CAMK1D: variants seen among roughly 807,000 people sequenced by gnomAD.
CAMK1D encodes calcium/calmodulin dependent protein kinase ID.
In CAMK1D, 9 loss-of-function variants were observed where a neutral mutation model predicts 47.7. That is an observed-to-expected ratio of 0.19 (90% CI 0.11 to 0.33). The LOEUF (loss-of-function observed/expected upper bound fraction) is 0.33. CAMK1D is among the 10% of genes least tolerant of loss of function. The pLI is 1.00. For synonymous variants in CAMK1D, 184 were observed against 184.9 expected (o/e 0.99, Z 0.04); for missense variants, 291 against 488.7 (o/e 0.60, Z 3.81).
intron 1 of CAMK1D, among the ~76,000 whole-genome samples, chr10:12,376,593 C>T (rs1838188780): frequency 6.6e-6 from 1 of 152,132 alleles, no homozygotes. Flanking sequence ...TGTCATGCTT[C>T]TCCTGAGGTC....
At chr10:12,750,421 C>G (rs1408376514) in intron 3 of CAMK1D, among the ~76,000 whole-genome samples, 1 of 152,098 alleles carries the variant, frequency 6.6e-6, no homozygotes, top group African/African-American at 2.4e-5. Context: ...TAGATGTAAC[C>G]TTCGATTGCA....
At chr10:12,387,477 C>G (rs1214445956) in intron 1 of CAMK1D, among the ~76,000 whole-genome samples, 1 of 88,002 alleles carries the variant, frequency 1.1e-5, no homozygotes, top group African/African-American at 3.6e-5. Flanking sequence ...ACATTGTAAA[C>G]TCTTAATGAA....
At chr10:12,492,601 C>G (rs1281826925) in intron 1 of CAMK1D, among the ~76,000 whole-genome samples, 1 of 152,106 alleles carries the variant, frequency 6.6e-6, no homozygotes, top group Non-Finnish European at 1.5e-5. Flanking sequence ...TAAGACCAGC[C>G]TGGGCAACAC....
At chr10:12,595,704 C>T (rs1838129446) in intron 2 of CAMK1D, among the ~76,000 whole-genome samples, 1 of 152,182 alleles carries the variant, frequency 6.6e-6, no homozygotes, top group Non-Finnish European at 1.5e-5. Context: ...TTTCTGGTCC[C>T]ACCCAGAGAC....
At chr10:12,437,775 G>T (rs563495183) in intron 1 of CAMK1D, among the ~76,000 whole-genome samples, 2 of 152,296 alleles carry the variant, frequency 1.3e-5, no homozygotes, top group African/African-American at 4.8e-5. Flanking sequence ...GTATCATACA[G>T]AGTAGTTTCA....
At chr10:12,780,950 A>G (rs1270841826) in intron 5 of CAMK1D, among the ~76,000 whole-genome samples, 1 of 152,092 alleles carries the variant, frequency 6.6e-6, no homozygotes, top group Non-Finnish European at 1.5e-5. Context: ...AAGTGGGGAG[A>G]CTTGTAGGGC....
rs80092276 is a variant in CAMK1D at position 12,705,661 on chromosome 10, A to C, written c.299+38851A>C. 4.3e-3 allele frequency among the ~76,000 whole-genome samples: 659 copies of C among 152,288 alleles called. 2 individuals are homozygous for C. The highest frequency in any genetic ancestry group is 7.3e-3 in the Non-Finnish European group (500 of 68,036). On this transcript the variant is annotated intron_variant, in intron 3 of 10. Coordinates refer to ENST00000619168, the MANE Select transcript of CAMK1D (RefSeq NM_153498.4). ...GACAATCCTACTCAAGGTAAATGCA[A>C]CCAGAAACAAAGGACATTGCCCCTA... is the stretch of plus-strand genomic sequence containing the variant.
At chr10:12,571,720 C>T (rs981631451) in intron 2 of CAMK1D, among the ~76,000 whole-genome samples, 3 of 152,032 alleles carry the variant, frequency 2.0e-5, no homozygotes, top group South Asian at 2.1e-4. Flanking sequence ...GTCTTTCTTT[C>T]GTAGCAAACT....
chr10:12,734,322 C>CAAA (rs1201573872), intron 3 of CAMK1D, among the ~76,000 whole-genome samples: 5 of 23,578 alleles, frequency 2.1e-4, no homozygotes, highest in African/African-American at 5.3e-4. Context: ...GACTCCATCT[C>CAAA]AAAAAAAAAA....
intron 1 of CAMK1D, among the ~76,000 whole-genome samples, chr10:12,528,736 C>CTTTTTTTTTT (rs34250007): frequency 7.3e-6 from 1 of 137,910 alleles, no homozygotes. Flanking sequence ...AAATCCTCAT[C>CTTTTTTTTTT]TTTTTTTTTT....
chr10:12,595,342 G>GGAAAA (rs1554794318), intron 2 of CAMK1D, among the ~76,000 whole-genome samples: 1 of 23,554 alleles, frequency 4.2e-5, no homozygotes, highest in Non-Finnish European at 7.0e-5. Context: ...AACTCCATCT[G>GGAAAA]AAAAAAAAAA....
At chr10:12,734,322 CAAA>C (rs1201573872) in intron 3 of CAMK1D, among the ~76,000 whole-genome samples, 22 of 23,566 alleles carry the variant, frequency 9.3e-4, no homozygotes, top group East Asian at 2.7e-3. Context: ...GACTCCATCT[CAAA>C]AAAAAAAAAA....
chr10:12,757,340 C>T (rs1836276676), intron 3 of CAMK1D, among the ~76,000 whole-genome samples: 1 of 152,144 alleles, frequency 6.6e-6, no homozygotes, highest in Admixed American at 6.5e-5. Context: ...TCACTTGACC[C>T]CTGTCCCTTC....
chr10:12,833,518 C>G lies in CAMK1D; in HGVS notation c.*4631C>G, dbSNP rs1452547755. On this transcript the variant is annotated 3_prime_UTR_variant, in exon 11 of 11. Coordinates refer to ENST00000619168, the MANE Select transcript of CAMK1D (RefSeq NM_153498.4). Reference sequence around the variant, plus strand: ...CTCTCCCTCTCCCCCAGAACCTTGGCCAGAATTGAGTCTTCGCGTTGGGGA... The same window carrying G: ...CTCTCCCTCTCCCCCAGAACCTTGGGCAGAATTGAGTCTTCGCGTTGGGGA... 1.3e-5 allele frequency: 2 copies of G among 152,286 alleles called. No individual in the cohort carries two copies. Among genetic ancestry groups the G allele is most frequent in the African/African-American group, 4.8e-5 (2 of 41,468 alleles). The allele number at this position is 152,286 out of a possible 1,614,324, so 9.4% of individuals were successfully genotyped here.
At chr10:12,728,769 G>T (rs1335305707) in intron 3 of CAMK1D, among the ~76,000 whole-genome samples, 2 of 152,324 alleles carry the variant, frequency 1.3e-5, no homozygotes, top group East Asian at 1.9e-4. Flanking sequence ...TGAAGTCAGT[G>T]TCTGCCTGGA....
intron 2 of CAMK1D, among the ~76,000 whole-genome samples, chr10:12,569,511 C>T (rs1453991078): frequency 6.7e-6 from 1 of 150,078 alleles, no homozygotes; most frequent in Non-Finnish European, 1.5e-5. Context: ...GAGATTGAGA[C>T]CATCCTGGCT....
In CAMK1D at chr10:12,616,697, G is replaced by A. The variant is rs57944578; in HGVS notation, c.225-50039G>A. Among the ~76,000 whole-genome samples, 1,497 of 152,152 alleles carry A rather than the reference G, an allele frequency of 9.8e-3. 13 individuals are homozygous for A. The highest frequency in any genetic ancestry group is 0.041 in the Middle Eastern group (12 of 294). ...TAAGCCCGGCTAATTTTTTCTATTT[G>A]TAGTAGACACGGGGTTTCACCTTGT... is the stretch of plus-strand genomic sequence containing the variant. On this transcript the variant is annotated intron_variant, in intron 2 of 10. Coordinates refer to ENST00000619168, the MANE Select transcript of CAMK1D (RefSeq NM_153498.4).
chr10:12,690,084 T>C (rs1227611877), intron 3 of CAMK1D, among the ~76,000 whole-genome samples: 1 of 152,212 alleles, frequency 6.6e-6, no homozygotes, highest in African/African-American at 2.4e-5. Flanking sequence ...TCTGTGGCTG[T>C]GGCTGGTCAT....
intron 1 of CAMK1D, among the ~76,000 whole-genome samples, chr10:12,470,101 C>T (rs45608331): frequency 0.048 from 7,375 of 152,242 alleles, 242 homozygotes; most frequent in Non-Finnish European, 0.072. Context: ...TTCAGATTGT[C>T]TCAAAAATGT....
Sources: gnomAD v4.1 joint callset for allele counts (sites outside exome capture counted in the v4.1 genomes callset) on GRCh38, gnomAD v4.1.1 for gene constraint, MANE v1.5 for transcripts, NCBI Gene and HGNC (gene_info 2026-07-23, HGNC 2026-07-21) for gene names.